The following SORBS2 variants were observed in gnomAD, a reference collection of about 807,000 sequenced individuals.
SORBS2 encodes sorbin and SH3 domain-containing protein 2.
A neutral mutation model predicts 97.7 loss-of-function variants in SORBS2; 46 were observed. The observed-to-expected ratio is 0.47, with a 90% CI of 0.37 to 0.60. SORBS2 has a LOEUF of 0.60. Ranked by LOEUF, SORBS2 falls within the 20% of genes least tolerant of loss-of-function variation. SORBS2 has a pLI of 0.00. For missense variants in SORBS2, 1,316 were observed against 1,282.3 expected (o/e 1.03, Z -0.40); for synonymous variants, 476 against 473.4 (o/e 1.01, Z -0.07).
chr4:185,596,630 G>A (rs1263083405), intron 12 of SORBS2, among the ~76,000 whole-genome samples: 1 of 149,696 alleles, frequency 6.7e-6, no homozygotes, highest in African/African-American at 2.5e-5. Context: ...TGCCTCCCGG[G>A]TTCAAGCGAT....
At chr4:185,867,305 T>A (rs1318601902) in intron 1 of SORBS2, among the ~76,000 whole-genome samples, 1 of 152,188 alleles carries the variant, frequency 6.6e-6, no homozygotes, top group African/African-American at 2.4e-5. Flanking sequence ...CCACCGCGCC[T>A]GGCCAGAAGG....
chr4:185,614,546 C>A (rs547237244), intron 11 of SORBS2: 18 of 340,150 alleles, frequency 5.3e-5, no homozygotes, highest in African/African-American at 2.5e-4. Flanking sequence ...TTTGTGCTCC[C>A]GAATGTATAA....
At chr4:185,866,967 G>A (rs577175866) in intron 1 of SORBS2, among the ~76,000 whole-genome samples, 13 of 152,130 alleles carry the variant, frequency 8.5e-5, no homozygotes, top group Non-Finnish European at 1.3e-4. Flanking sequence ...CAGGAGTAAC[G>A]CAATGTATAC....
chr4:185,781,891 A>G (rs544271961), intron 1 of SORBS2, among the ~76,000 whole-genome samples: 46 of 152,214 alleles, frequency 3.0e-4, no homozygotes, highest in African/African-American at 1.1e-3. Flanking sequence ...CCTTTTTTTA[A>G]CTCGTAAAGA....
At chr4:185,648,561 C>T (rs2153457189) in intron 3 of SORBS2, among the ~76,000 whole-genome samples, 1 of 151,680 alleles carries the variant, frequency 6.6e-6, no homozygotes, top group East Asian at 1.9e-4. Context: ...CTTAATGGTA[C>T]AATAGGGTGT....
intron 1 of SORBS2, among the ~76,000 whole-genome samples, chr4:185,928,677 C>G (rs1321987427): frequency 6.6e-6 from 1 of 152,128 alleles, no homozygotes; most frequent in Non-Finnish European, 1.5e-5. Flanking sequence ...TCCCGAGTAG[C>G]TGGGACTACA....
intron 4 of SORBS2, 139 bp downstream of exon 16, chr4:185,635,216 G>C: frequency 1.6e-6 from 1 of 637,288 alleles, no homozygotes; most frequent in South Asian, 2.0e-5. Context: ...GATACTGGAT[G>C]CAACATAATG....
chr4:185,609,555 C>A (rs2096497859), intron 12 of SORBS2, among the ~76,000 whole-genome samples: 1 of 152,200 alleles, frequency 6.6e-6, no homozygotes, highest in African/African-American at 2.4e-5. Context: ...CCTGGTATAA[C>A]TAGATCACAA....
chr4:185,915,164 ATACTGCT>A (rs2099257414), intron 1 of SORBS2, among the ~76,000 whole-genome samples: 2 of 152,166 alleles, frequency 1.3e-5, no homozygotes, highest in Non-Finnish European at 2.9e-5. Flanking sequence ...TTCGGCCTTT[ATACTGCT>A]TTCAGCAGCA....
chr4:185,868,147 C>CTTTTTTCTTTTTTTTT (rs1554043746), intron 1 of SORBS2, among the ~76,000 whole-genome samples: 33 of 89,754 alleles, frequency 3.7e-4, no homozygotes, highest in Non-Finnish European at 6.4e-4. Flanking sequence ...CTTTTCTTTT[C>CTTTTTTCTTTTTTTTT]TTTTTTTCTT....
chr4:185,643,320 T>C (rs548153148), intron 4 of SORBS2, among the ~76,000 whole-genome samples: 17 of 152,140 alleles, frequency 1.1e-4, no homozygotes, highest in Admixed American at 2.0e-4. Flanking sequence ...AATGCGGGAA[T>C]TGAAAGTTCT....
At chr4:185,840,724 G>A (rs1411110737) in intron 1 of SORBS2, among the ~76,000 whole-genome samples, 1 of 152,222 alleles carries the variant, frequency 6.6e-6, no homozygotes, top group Non-Finnish European at 1.5e-5. Flanking sequence ...ACTTCTGTGT[G>A]CATGTATTTA....
intron 1 of SORBS2, among the ~76,000 whole-genome samples, chr4:185,932,238 G>A (rs114437601): frequency 0.022 from 3,393 of 151,912 alleles, 40 homozygotes; most frequent in Middle Eastern, 0.078. Flanking sequence ...GGGCAGCTAC[G>A]AAGGGGGCAG....
intron 1 of SORBS2, among the ~76,000 whole-genome samples, chr4:185,858,229 T>G (rs2099221777): frequency 6.6e-6 from 1 of 152,178 alleles, no homozygotes. Context: ...TATTGGGGGC[T>G]GGTTCCCCCA....
intron 1 of SORBS2, among the ~76,000 whole-genome samples, chr4:185,938,245 G>T (rs544945796): frequency 6.6e-6 from 1 of 151,852 alleles, no homozygotes; most frequent in Non-Finnish European, 1.5e-5. Flanking sequence ...TCATCCACCC[G>T]CCTCGGCCTC....
chr4:185,661,822 CA>C (rs1339077593), upstream of SORBS2, among the ~76,000 whole-genome samples: 1 of 152,200 alleles, frequency 6.6e-6, no homozygotes, highest in East Asian at 1.9e-4. Context: ...TCCAGTGGCA[CA>C]AACCCCCTTG....
At chr4:185,700,155 A>G (rs548642811) in intron 2 of SORBS2, among the ~76,000 whole-genome samples, 32 of 152,226 alleles carry the variant, frequency 2.1e-4, no homozygotes, top group Non-Finnish European at 3.7e-4. Context: ...GGCTTTTCAA[A>G]AATTTATATG....
chr4:185,950,698 A>G (rs2099276794), intron 1 of SORBS2, among the ~76,000 whole-genome samples: 1 of 152,146 alleles, frequency 6.6e-6, no homozygotes, highest in Non-Finnish European at 1.5e-5. Flanking sequence ...TTTAATACAC[A>G]TTTGGACTTG....
Position 185,684,845 on chromosome 4 carries a change from A to G in SORBS2, c.-197-6023T>C, listed in dbSNP as rs754027642. ...CACGTTTGCGAGCACACCCACCGCTATCTGGAAGCAAAAAAATGATATAGC... is the reference window on the plus strand; with the variant it reads ...CACGTTTGCGAGCACACCCACCGCTGTCTGGAAGCAAAAAAATGATATAGC... On this transcript the variant is annotated intron_variant, in intron 2 of 20. Transcript: ENST00000284776. The surrounding 1 kb of genome is among the most constrained non-coding windows in gnomAD (Gnocchi z 4.2). 6.4e-7 allele frequency: 1 copy of G among 1,551,732 alleles called. No homozygotes were observed.
Sources: allele counts gnomAD v4.1 joint callset (sites outside exome capture counted in the v4.1 genomes callset), GRCh38; gene constraint gnomAD v4.1.1; non-coding constraint Gnocchi (gnomAD v3.1); transcripts MANE v1.5; gene names NCBI Gene and HGNC (gene_info 2026-07-23, HGNC 2026-07-21).